Variants in LENG8 observed in about 807,000 individuals in gnomAD.
LENG8 encodes leukocyte receptor cluster member 8.
LENG8 carries 28 observed loss-of-function variants against 102.1 expected under a neutral mutation model. That is an observed-to-expected ratio of 0.27 (90% CI 0.20 to 0.38). LENG8 has a LOEUF of 0.38. Among genes scored for constraint, LENG8 ranks in the 10% least tolerant of loss-of-function variants. The probability of loss-of-function intolerance (pLI) is 1.00; values close to 1 mark genes in which losing one functional copy is unlikely to be tolerated. For synonymous variants in LENG8, 531 were observed against 456.7 expected, an observed-to-expected ratio of 1.16 and a Z score of -2.07; for missense variants, 1,022 against 1,113.9, an observed-to-expected ratio of 0.92 and a Z score of 1.17.
chr19:54,460,978 C>T lies in LENG8; in HGVS notation c.*50C>T, dbSNP rs1342744019. 8.5e-6 allele frequency: 13 copies of T among 1,535,552 alleles called. No individual in the cohort carries two copies. Among genetic ancestry groups the T allele is most frequent in the East Asian group, 4.9e-5 (2 of 40,910 alleles). The stretch of plus-strand genomic sequence containing the variant: ...CAGGGGCTGCAGCCCCCAGCGCTGC[C>T]TTTGCGGATTCTGTTTTTGAGCCGT... On this transcript the variant is annotated 3_prime_UTR_variant, in exon 16 of 16. Coordinates refer to ENST00000326764, the MANE Select transcript of LENG8 (RefSeq NM_052925.4).
intron 15 of LENG8, 48 bp from the exon 16 acceptor site, chr19:54,460,718 T>TTGG: frequency 6.6e-4 from 695 of 1,045,840 alleles, no homozygotes; most frequent in Non-Finnish European, 7.8e-4. Context: ...GGCCCTCCCC[T>TTGG]GCCCTCCCGC....
chr19:54,456,054 G>A lies in LENG8; in HGVS notation c.1113G>A (p.Ser371=), dbSNP rs748998773. The stretch of plus-strand genomic sequence containing the variant: ...TTCACCCTCCTAGAGGGGCAGGCTC[G>A]GCGACAAGGGGCGGGGGTGCCCCGT... The part of the protein sequence containing the change: ...SSLHPPRGAG[S]ATRGGGAPSQ... The change falls in exon 9 of 16, where the codon TCG becomes TCA. Residue 371 remains serine (S), a synonymous_variant. Transcript: ENST00000326764. 7 of 1,611,144 alleles carry A rather than the reference G, an allele frequency of 4.3e-6. No homozygotes were observed. Among genetic ancestry groups the A allele is most frequent in the East Asian group, 2.2e-5 (1 of 44,810 alleles).
chr19:54,455,263 T>C, intron 7 of LENG8, 101 bp from the exon 8 acceptor site: 1 of 1,510,632 alleles, frequency 6.6e-7, no homozygotes, highest in Non-Finnish European at 9.2e-7. Context: ...GAAGGAAAAC[T>C]TGGGGACTGC....
rs755735688 is a variant in LENG8 at position 54,458,038 on chromosome 19, C to T, written c.1902+36C>T. 5.6e-6 allele frequency: 9 copies of T among 1,612,564 alleles called. No individual in the cohort carries two copies. In the Admixed American group the frequency reaches 1.5e-4, roughly 27 times the overall value. ...CTCTGCGGGCCTCCCCAGCCCCTTT[C>T]CTGCTGCCGTTCTGCCCTCAGCACC... On this transcript the variant is annotated intron_variant, in intron 13 of 15. Coordinates refer to ENST00000326764, the MANE Select transcript of LENG8 (RefSeq NM_052925.4).
Position 54,456,710 on chromosome 19 carries a change from TGAA to T in LENG8, c.1525_1527del (p.Lys509del). On this transcript the variant is annotated inframe_deletion, in exon 11 of 16. Transcript: ENST00000326764. ...GAGTGTGAGGACCCGGAGCGAGAGC[TGAA>T]GAAGCAGAAGCGGGCAGCCCGCTTC... 6.2e-7 allele frequency: 1 copy of T among 1,613,058 alleles called. No homozygotes were observed. The highest frequency in any genetic ancestry group is 8.5e-7 in the Non-Finnish European group (1 of 1,179,724).
intron 15 of LENG8, chr19:54,460,461 A>C (rs1038587509): frequency 1.5e-6 from 2 of 1,300,656 alleles, no homozygotes; most frequent in East Asian, 3.5e-5. Flanking sequence ...TGCTCCCTCC[A>C]TCTGGTCCCT....
intron 15 of LENG8, 30 bp from the exon 16 acceptor site, chr19:54,460,736 C>T: frequency 6.9e-7 from 1 of 1,449,754 alleles, no homozygotes; most frequent in Non-Finnish European, 9.1e-7. Flanking sequence ...CGCCCGCCCG[C>T]CTCATCACCT....
At position 54,461,796 on chromosome 19, in the gene LENG8, T is replaced by C. The variant is rs1259217172; in HGVS notation, c.*868T>C. 1.6e-6 allele frequency: 1 copy of C among 630,686 alleles called. No individual in the cohort carries two copies. The highest frequency in any genetic ancestry group is 3.5e-5 in the East Asian group (1 of 28,884). The allele number at this position is 630,686 out of a possible 1,614,324, so 39.1% of individuals were successfully genotyped here. On this transcript the variant is annotated 3_prime_UTR_variant, in exon 16 of 16. Coordinates refer to ENST00000326764, the MANE Select transcript of LENG8 (RefSeq NM_052925.4). ...ATTTTTCTTCCTCCTCTCCCTTTTC[T>C]TTTTGGCCCTCCCTCCCTCCCTCTT...
At position 54,461,948 on chromosome 19, in the gene LENG8, C is replaced by CT; in HGVS notation, c.*1023dup. 1 of 1,024,454 alleles carries CT rather than the reference C, an allele frequency of 9.8e-7. No homozygotes were observed. Among genetic ancestry groups the CT allele is most frequent in the Non-Finnish European group, 1.5e-6 (1 of 649,314 alleles). 63.5% of individuals were successfully genotyped at this position (1,024,454 alleles called of 1,614,324 possible). On this transcript the variant is annotated 3_prime_UTR_variant, in exon 16 of 16. Transcript: ENST00000326764. ...TCCCCTCCTTTTCCTTCCTTCCTTC[C>CT]TTTCCTTGGAGCACTGAGCACCATT...
Position 54,458,392 on chromosome 19 carries a change from C to T in LENG8, c.2111C>T (p.Thr704Ile), listed in dbSNP as rs1003046104. 3 of 1,614,252 alleles carry T rather than the reference C, an allele frequency of 1.9e-6. No individual in the cohort carries two copies. The highest frequency in any genetic ancestry group is 2.5e-6 in the Non-Finnish European group (3 of 1,180,052). The stretch of plus-strand genomic sequence containing the variant: ...GTGGCCCACGCCTTGGCATTAAGGA[C>T]AGCCTGGGCCCTGGGCAACTACCAC... ...PCVAHALALRTAWALGNYHRF... is the reference protein window; with the variant it reads ...PCVAHALALRIAWALGNYHRF... Residue 704 changes from threonine (T) to isoleucine (I), a missense_variant, in exon 15 of 16, where the codon ACA (threonine) becomes ATA (isoleucine). Coordinates refer to ENST00000326764, the MANE Select transcript of LENG8 (RefSeq NM_052925.4).
At chr19:54,455,819 G>T in intron 8 of LENG8, 148 bp from the exon 9 acceptor site, 2 of 885,688 alleles carry the variant, frequency 2.3e-6, no homozygotes, top group South Asian at 1.8e-5. Flanking sequence ...ACCTGGGTTC[G>T]CGTCTCATTT....
chr19:54,461,540 C>A lies in LENG8; in HGVS notation c.*612C>A. 2.1e-6 allele frequency: 1 copy of A among 471,628 alleles called. No individual in the cohort carries two copies. Among genetic ancestry groups the A allele is most frequent in the Non-Finnish European group, 4.4e-6 (1 of 227,408 alleles). The allele number at this position is 471,628 out of a possible 1,614,324, so 29.2% of individuals were successfully genotyped here. On this transcript the variant is annotated 3_prime_UTR_variant, in exon 16 of 16. Transcript: ENST00000326764. The stretch of plus-strand genomic sequence containing the variant: ...CCGCCGCCACACCGCACTGAGGACA[C>A]GCCGGCCGGGCCGCCTCGTCTCAAG...
At chr19:54,453,438 A>C in intron 4 of LENG8, 108 bp from the exon 5 acceptor site, 1 of 715,370 alleles carries the variant, frequency 1.4e-6, no homozygotes, top group South Asian at 1.5e-5. Context: ...GAAGAGAGAA[A>C]GGGGTGAGGG....
rs747179623 is a variant in LENG8, at chr19:54,456,959, G to T, written c.1731+38G>T. 7 of 1,556,880 alleles carry T rather than the reference G, an allele frequency of 4.5e-6. No individual in the cohort carries two copies. The Middle Eastern group carries it at 7.0e-4, about 156-fold the overall frequency. On this transcript the variant is annotated intron_variant, in intron 11 of 15. Transcript: ENST00000326764. ...CAGGGCAGTTCTGCTCTGTGAGGCC[G>T]TGCTGGCTCAGGACTTGGGGAGCCA...
rs1181822259 is a variant in LENG8 at position 54,456,772 on chromosome 19, C to T, written c.1582C>T (p.Pro528Ser). 1.9e-6 allele frequency: 3 copies of T among 1,611,896 alleles called. No homozygotes were observed. The highest frequency in any genetic ancestry group is 1.7e-5 in the Admixed American group (1 of 59,914). ...HGHSRRLRLE[P>S]LVLQMSSLES... ...ACACTCCCGCCGCCTGCGCCTCGAG[C>T]CCCTGGTGCTGCAGATGAGCAGCCT... The change falls in exon 11 of 16, where the codon CCC (proline) becomes TCC (serine). Residue 528 changes from proline (P) to serine (S), a missense_variant. By Grantham distance (74) the Pro-to-Ser change is moderately conservative (BLOSUM62 -1). Coordinates refer to ENST00000326764, the MANE Select transcript of LENG8 (RefSeq NM_052925.4).
intron 7 of LENG8, 110 bp from the exon 8 acceptor site, chr19:54,455,254 A>T (rs566704356): frequency 6.7e-7 from 1 of 1,499,838 alleles, no homozygotes; most frequent in South Asian, 1.2e-5. Context: ...AAGGAGACAG[A>T]AGGAAAACTT....
In LENG8 at chr19:54,460,865, C is replaced by T. The variant is rs1171992853; in HGVS notation, c.2340C>T (p.Tyr780=). The change falls in exon 16 of 16, where the codon TAC becomes TAT. Residue 780 remains tyrosine, a synonymous_variant. Transcript: ENST00000326764. ...TCCTAGAGCCCCTGGGCCTGGCCTA[C>T]ACGGGCCCGGACAACTCCAGCATCG... The part of the protein sequence containing the change: ...RAFLEPLGLA[Y]TGPDNSSIDC... 1 of 1,564,162 alleles carries T rather than the reference C, an allele frequency of 6.4e-7. No homozygotes were observed. The highest frequency in any genetic ancestry group is 8.7e-7 in the Non-Finnish European group (1 of 1,155,706).
In LENG8 at chr19:54,456,399, C is replaced by T. The variant is rs761612620; in HGVS notation, c.1379C>T (p.Pro460Leu). ...CHPVGRRNPP[P>L]KGRGGRGAHM... The stretch of plus-strand genomic sequence containing the variant: ...CCTGTGGGCCGCAGGAACCCGCCCC[C>T]TAAGGGCCGGGGCGGTCGAGGGGCC... The change falls in exon 10 of 16, where the codon CCT becomes CTT. Residue 460 changes from proline (P) to leucine (L), a missense_variant. This residue lies in a region of LENG8 where 326 missense variants were observed against 324.5 expected (regional missense o/e 1.00). Coordinates refer to ENST00000326764, the MANE Select transcript of LENG8 (RefSeq NM_052925.4). 1 of 1,611,718 alleles carries T rather than the reference C, an allele frequency of 6.2e-7. No individual in the cohort carries two copies. The highest frequency in any genetic ancestry group is 1.3e-5 in the African/African-American group (1 of 74,938).
Position 54,461,458 on chromosome 19 carries a change from CTG to C in LENG8, c.*533_*534del. On this transcript the variant is annotated 3_prime_UTR_variant, in exon 16 of 16. Transcript: ENST00000326764. Reference sequence around the variant, plus strand: ...TTGGGGTGGGGGAGCTGCTTAGAGACTGTGCCCGTCCTCGGCCCCCCACCCTG... The same window carrying C: ...TTGGGGTGGGGGAGCTGCTTAGAGACTGCCCGTCCTCGGCCCCCCACCCTG... 1 of 461,648 alleles carries C rather than the reference CTG, an allele frequency of 2.2e-6. No individual in the cohort carries two copies. Among genetic ancestry groups the C allele is most frequent in the Middle Eastern group, 3.3e-4 (1 of 3,066 alleles). The allele number at this position is 461,648 out of a possible 1,614,324, so 28.6% of individuals were successfully genotyped here.
Sources: gnomAD v4.1 joint callset for allele counts on GRCh38, gnomAD v4.1.1 for gene constraint, gnomAD v4.1.1 regional missense constraint, MANE v1.5 for transcripts, NCBI Gene and HGNC (gene_info 2026-07-23, HGNC 2026-07-21) for gene names.